ZNF662: variants seen among roughly 807,000 people sequenced by gnomAD.
ZNF662 encodes the protein zinc finger protein 662.
ZNF662 carries 14 observed loss-of-function variants against 12.4 expected under a neutral mutation model. The ratio of observed to expected loss-of-function variants is 1.13; its 90% CI spans 0.75 to 1.77. ZNF662 has a LOEUF of 1.77. Among genes scored for constraint, ZNF662 ranks in the 40% most tolerant of loss-of-function variants. The pLI is 0.00. For synonymous variants in ZNF662, 184 were observed against 176.4 expected (o/e 1.04, Z -0.34); for missense variants, 550 against 515.6 (o/e 1.07, Z -0.65).
intron 4 of ZNF662, among the ~76,000 whole-genome samples, chr3:42,913,870 T>C (rs138964043): frequency 1.3e-5 from 2 of 152,224 alleles, no homozygotes; most frequent in East Asian, 3.9e-4. Flanking sequence ...TACTTCCTTT[T>C]AGTGTTGAAA....
Position 42,915,756 on chromosome 3 carries a change from TCTTTA to T in ZNF662, c.*406_*410del, listed in dbSNP as rs2088890780. 1 of 169,246 alleles carries T rather than the reference TCTTTA, an allele frequency of 5.9e-6. No individual in the cohort carries two copies. The highest frequency in any genetic ancestry group is 2.4e-5 in the African/African-American group (1 of 41,760). 10.5% of individuals were successfully genotyped at this position (169,246 alleles called of 1,614,324 possible). ...CCTATCTGACTGCAGAGTTTACTGT[TCTTTA>T]CTTAATTGTACATATTTATGTCTCT... is the stretch of plus-strand genomic sequence containing the variant. On this transcript the variant is annotated 3_prime_UTR_variant, in exon 5 of 5. Transcript: ENST00000440367.
Position 42,914,420 on chromosome 3 carries a change from A to C in ZNF662, c.347A>C (p.Gln116Pro). The C allele has an allele frequency of 1.2e-6, 2 of 1,614,024 alleles. No homozygotes were observed. Among genetic ancestry groups the C allele is most frequent in the Non-Finnish European group, 1.7e-6 (2 of 1,179,974 alleles). ...QDLMVLSSGP[Q>P]WCGSQELWFG... ...CTCATGGTCCTATCAAGTGGACCCC[A>C]GTGGTGTGGATCCCAGGAATTATGG... Residue 116 changes from glutamine to proline, a missense_variant, in exon 5 of 5, where the codon CAG (glutamine) becomes CCG (proline). Coordinates refer to ENST00000440367, the MANE Select transcript of ZNF662 (RefSeq NM_207404.4).
At position 42,914,866 on chromosome 3, in the gene ZNF662, C is replaced by A. The variant is rs373448074; in HGVS notation, c.793C>A (p.Arg265Ser). ...CTTTGTTTGGAAGTCAAACCTGATT[C>A]GTCACCAGAGAATACATACTGGAGA... ...KAFVWKSNLI[R>S]HQRIHTGEKP... Residue 265 changes from arginine (R) to serine (S), a missense_variant, in exon 5 of 5, where the codon CGT becomes AGT. Coordinates refer to ENST00000440367, the MANE Select transcript of ZNF662 (RefSeq NM_207404.4). The A allele has an allele frequency of 2.5e-6, 4 of 1,614,068 alleles. No homozygotes were observed. The highest frequency in any genetic ancestry group is 3.4e-6 in the Non-Finnish European group (4 of 1,180,026).
At chr3:42,913,591 A>T (rs1304949398) in intron 4 of ZNF662, among the ~76,000 whole-genome samples, 1 of 152,164 alleles carries the variant, frequency 6.6e-6, no homozygotes, top group Non-Finnish European at 1.5e-5. Flanking sequence ...TTTAATGTAG[A>T]TGCTGTATTT....
chr3:42,912,476 T>A (rs1415291990), intron 3 of ZNF662, among the ~76,000 whole-genome samples: 6 of 58,122 alleles, frequency 1.0e-4, no homozygotes, highest in African/African-American at 3.7e-4. Context: ...ATATATATTT[T>A]TATATATTTA....
intron 2 of ZNF662, chr3:42,908,396 T>C: frequency 7.7e-7 from 1 of 1,307,086 alleles, no homozygotes; most frequent in Non-Finnish European, 9.7e-7. Flanking sequence ...GTGGGTATAG[T>C]GAGAAGAGAG....
chr3:42,913,067 A>C, intron 3 of ZNF662, 134 bp from the exon 4 acceptor site: 1 of 648,622 alleles, frequency 1.5e-6, no homozygotes, highest in Non-Finnish European at 2.8e-6. Context: ...TGTACCATCA[A>C]ATTTCTGCTT....
In ZNF662 at chr3:42,916,710, A is replaced by G. The variant is rs1425240008; in HGVS notation, c.*1356A>G. 1.3e-5 allele frequency: 2 copies of G among 152,128 alleles called. No individual in the cohort carries two copies. Among genetic ancestry groups the G allele is most frequent in the Non-Finnish European group, 1.5e-5 (1 of 68,010 alleles). The allele number at this position is 152,128 out of a possible 1,614,324, so 9.4% of individuals were successfully genotyped here. On this transcript the variant is annotated 3_prime_UTR_variant, in exon 5 of 5. Transcript: ENST00000440367. ...CATTGCCTTTGTTTTATGAGATATC[A>G]TTCTGGGATTGGGAATATGTAAACT...
chr3:42,914,947 A>G lies in ZNF662; in HGVS notation c.874A>G (p.Thr292Ala), dbSNP rs1237604866. 6.2e-7 allele frequency: 1 copy of G among 1,614,148 alleles called. No homozygotes were observed. The highest frequency in any genetic ancestry group is 1.3e-5 in the African/African-American group (1 of 75,036). Reference protein sequence around the residue: ...GKGFSQNTSLTQHQRIHTGEK... With the variant: ...GKGFSQNTSLAQHQRIHTGEK... ...GGGCTTTAGTCAGAACACAAGCCTT[A>G]CGCAACATCAACGGATCCACACTGG... Residue 292 changes from threonine (T) to alanine (A), a missense_variant, in exon 5 of 5, where the codon ACG (threonine) becomes GCG (alanine). Coordinates refer to ENST00000440367, the MANE Select transcript of ZNF662 (RefSeq NM_207404.4).
Position 42,915,512 on chromosome 3 carries a change from T to G in ZNF662, c.*158T>G. 3 of 656,972 alleles carry G rather than the reference T, an allele frequency of 4.6e-6. No homozygotes were observed. The highest frequency in any genetic ancestry group is 5.0e-6 in the Non-Finnish European group (2 of 399,394). The allele number at this position is 656,972 out of a possible 1,614,324, so 40.7% of individuals were successfully genotyped here. On this transcript the variant is annotated 3_prime_UTR_variant, in exon 5 of 5. Transcript: ENST00000440367. ...TTACCATGTACTCTAGCAAGACTGG[T>G]CCCTCTGTTCTATGATGTTTTAACA...
At position 42,912,379 on chromosome 3, in the gene ZNF662, AATAT is replaced by A. The variant is rs1209774506; in HGVS notation, c.152-816_152-813del. 5.0e-5 allele frequency among the ~76,000 whole-genome samples: 5 copies of A among 99,510 alleles called. No homozygotes were observed. In the East Asian group the frequency reaches 8.3e-4, roughly 16 times the overall value. 65.3% of individuals were successfully genotyped at this position (99,510 alleles called of 152,430 possible). ...ATTATATATTATATATGATATATTA[AATAT>A]ATATAATATATATTTATATATTATA... On this transcript the variant is annotated intron_variant, in intron 3 of 4. Coordinates refer to ENST00000440367, the MANE Select transcript of ZNF662 (RefSeq NM_207404.4).
chr3:42,912,169 A>G (rs2088801965), intron 3 of ZNF662: 1 of 140,954 alleles, frequency 7.1e-6, no homozygotes, highest in Non-Finnish European at 1.5e-5. Context: ...ATATAAAAAT[A>G]TATAAATATA....
chr3:42,912,679 A>ATC lies in ZNF662; in HGVS notation c.152-521_152-520insCT, dbSNP rs2088833057. ...ATATATATATATATTTTTTATATAT[A>ATC]TAAATATATATATATTTTATATATA... On this transcript the variant is annotated intron_variant, in intron 3 of 4. Transcript: ENST00000440367. Among the ~76,000 whole-genome samples the ATC allele has an allele frequency of 2.7e-4, 6 of 22,384 alleles. No homozygotes were observed. The Admixed American group carries it at 5.1e-3, about 19-fold the overall frequency. 14.7% of individuals were successfully genotyped at this position (22,384 alleles called of 152,430 possible).
rs1316933824 is a variant in ZNF662 at position 42,906,335 on chromosome 3, A to G, written c.-94+167A>G. ...CGGTCTGGCGCGCCCTCGCTTTCCC[A>G]GAGGGCGACCTGGGCTATGGCGGCC... On this transcript the variant is annotated intron_variant, in intron 1 of 4. Coordinates refer to ENST00000440367, the MANE Select transcript of ZNF662 (RefSeq NM_207404.4). The surrounding 1 kb of genome is among the most constrained non-coding windows in gnomAD (Gnocchi z 4.4). 6.5e-7 allele frequency: 1 copy of G among 1,528,568 alleles called. No homozygotes were observed. The highest frequency in any genetic ancestry group is 8.8e-7 in the Non-Finnish European group (1 of 1,142,408). 94.7% of individuals were successfully genotyped at this position (1,528,568 alleles called of 1,614,324 possible). A position where few individuals can be genotyped will look rare whatever the true frequency, so the allele number is the denominator to read the frequency against.
rs1286628232 is a variant in ZNF662 at position 42,906,495 on chromosome 3, G to A, written c.-94+327G>A. ...GTCTTGGCCCTGCCCTGGGTTCTAG[G>A]CCCGGAGACGGGGTGGTGCGGCGGC... On this transcript the variant is annotated intron_variant, in intron 1 of 4. Transcript: ENST00000440367. The surrounding 1 kb of genome is among the most constrained non-coding windows in gnomAD (Gnocchi z 4.4). 22 of 1,364,638 alleles carry A rather than the reference G, an allele frequency of 1.6e-5. No individual in the cohort carries two copies. The highest frequency in any genetic ancestry group is 2.1e-5 in the Non-Finnish European group (22 of 1,054,464). 84.5% of individuals were successfully genotyped at this position (1,364,638 alleles called of 1,614,324 possible).
intron 3 of ZNF662, among the ~76,000 whole-genome samples, chr3:42,910,900 T>C (rs371542479): frequency 6.6e-6 from 1 of 152,240 alleles, no homozygotes; most frequent in East Asian, 1.9e-4. Context: ...AATAATTTGT[T>C]GTTTCATGTA....
In ZNF662 at chr3:42,913,266, A is replaced by C. The variant is rs1329073172; in HGVS notation, c.217A>C (p.Lys73Gln). 34 of 1,613,906 alleles carry C rather than the reference A, an allele frequency of 2.1e-5. 1 individual carries two copies. Among genetic ancestry groups the C allele is most frequent in the Non-Finnish European group, 2.9e-5 (34 of 1,179,938 alleles). The change falls in exon 4 of 5, where the codon AAA becomes CAA. Residue 73 changes from lysine to glutamine, a missense_variant. Transcript: ENST00000440367. ...PEQVEEPLNL[K>Q]LQGEGPSLIC... is the part of the protein sequence containing the mutation. ...GCAGGTGGAAGAGCCATTAAACCTG[A>C]AACTGCAAGGAGAGGGTCCAAGCCT...
chr3:42,909,145 G>C (rs1175910788), intron 3 of ZNF662, among the ~76,000 whole-genome samples: 1 of 152,114 alleles, frequency 6.6e-6, no homozygotes. Flanking sequence ...GGACAATAGT[G>C]GAGGGAAGGT....
Position 42,915,004 on chromosome 3 carries a change from A to G in ZNF662, c.931A>G (p.Lys311Glu), listed in dbSNP as rs751630727. Residue 311 changes from lysine to glutamate, a missense_variant, in exon 5 of 5, where the codon AAA becomes GAA. Physicochemically the swap from Lys to Glu is moderately conservative, Grantham distance 56. Transcript: ENST00000440367. ...ACCATACACATGTAAGGAATGTGGGAAAAGCTTTACTCGAAACCCAGCCCT... is the reference window on the plus strand; with the variant it reads ...ACCATACACATGTAAGGAATGTGGGGAAAGCTTTACTCGAAACCCAGCCCT... ...EKPYTCKECG[K>E]SFTRNPALLR... The G allele has an allele frequency of 1.2e-6, 2 of 1,614,102 alleles. No individual in the cohort carries two copies. Among genetic ancestry groups the G allele is most frequent in the South Asian group, 2.2e-5 (2 of 91,070 alleles).
Sources: gnomAD v4.1 joint callset for allele counts (sites outside exome capture counted in the v4.1 genomes callset) on GRCh38, gnomAD v4.1.1 for gene constraint, Gnocchi (gnomAD v3.1) non-coding constraint, MANE v1.5 for transcripts, NCBI Gene and HGNC (gene_info 2026-07-23, HGNC 2026-07-21) for gene names.